The following EZH1 variants were observed in gnomAD, a reference collection of about 807,000 sequenced individuals.
EZH1 encodes the protein enhancer of zeste 1 polycomb repressive complex 2 subunit, also known as histone-lysine N-methyltransferase EZH1.
EZH1 carries 33 observed loss-of-function variants against 100.5 expected under a neutral mutation model. The observed-to-expected ratio is 0.33, with a 90% confidence interval of 0.25 to 0.44. EZH1 has a LOEUF of 0.44. EZH1 is among the 20% of genes least tolerant of loss of function. The pLI is 1.00. For synonymous variants in EZH1, 272 were observed against 313.8 expected (o/e 0.87, Z 1.41); for missense variants, 475 against 928.4 (o/e 0.51, Z 6.35).
chr17:42,733,939 CA>C (rs71157668), intron 1 of EZH1, among the ~76,000 whole-genome samples: 9,325 of 49,974 alleles, frequency 0.19, 361 homozygotes, highest in African/African-American at 0.39. Context: ...GACTCCATCT[CA>C]AAAAAAAAAA....
intron 15 of EZH1, among the ~76,000 whole-genome samples, chr17:42,707,625 C>T (rs187783201): frequency 6.6e-6 from 1 of 152,200 alleles, no homozygotes; most frequent in African/African-American, 2.4e-5. Context: ...GAACTCCTGA[C>T]CTCAAGTGAT....
At chr17:42,737,338 T>C (rs1189590653) in intron 1 of EZH1, among the ~76,000 whole-genome samples, 1 of 152,222 alleles carries the variant, frequency 6.6e-6, no homozygotes, top group African/African-American at 2.4e-5. Flanking sequence ...TGATGGCTCA[T>C]GCCTGAAATT....
Position 42,706,112 on chromosome 17 carries a change from C to T in EZH1, c.1734G>A (p.Val578=). The T allele has an allele frequency of 1.2e-6, 2 of 1,614,152 alleles. No individual in the cohort carries two copies. Among genetic ancestry groups the T allele is most frequent in the Non-Finnish European group, 1.7e-6 (2 of 1,180,028 alleles). Reference sequence around the variant, plus strand: ...GACACAGGTCAGGGTCACATTCTCGCACTGCCAGATAGCAAGGACATTGCT... The same window carrying T: ...GACACAGGTCAGGGTCACATTCTCGTACTGCCAGATAGCAAGGACATTGCT... The part of the protein sequence containing the change: ...NTKQCPCYLA[V]RECDPDLCLT... Residue 578 remains valine, a synonymous_variant, in exon 16 of 21, where the codon GTG becomes GTA. Transcript: ENST00000428826. This position sits in a 1 kb window ranked among gnomAD's most constrained non-coding sequence, Gnocchi z 4.4.
chr17:42,744,994 C>A lies in EZH1; in HGVS notation c.-103+17G>T, dbSNP rs1003094448. 30 of 1,274,686 alleles carry A rather than the reference C, an allele frequency of 2.4e-5. No homozygotes were observed. Among genetic ancestry groups the A allele is most frequent in the Middle Eastern group, 2.1e-4 (1 of 4,662 alleles). The allele number at this position is 1,274,686 out of a possible 1,614,324, so 79.0% of individuals were successfully genotyped here. A position where few individuals can be genotyped will look rare whatever the true frequency, so the allele number is the denominator to read the frequency against. On this transcript the variant is annotated intron_variant, in intron 1 of 20. Coordinates refer to ENST00000428826, the MANE Select transcript of EZH1 (RefSeq NM_001991.5). ...GCCCGGCCCCACCGCCCGGCCCAGG[C>A]TTGTTTACTCACTCACCCTCCATCC...
intron 2 of EZH1, among the ~76,000 whole-genome samples, chr17:42,730,487 C>CTTTTTTTTT (rs1156867481): frequency 3.0e-5 from 2 of 66,660 alleles, no homozygotes; most frequent in Admixed American, 2.1e-4. Context: ...AGTATGTATT[C>CTTTTTTTTT]TTTTTTTTTT....
At chr17:42,732,088 A>T (rs566984834) in intron 1 of EZH1, among the ~76,000 whole-genome samples, 2 of 151,898 alleles carry the variant, frequency 1.3e-5, no homozygotes, top group African/African-American at 4.8e-5. Flanking sequence ...CACTGCATCC[A>T]GCCTGAGAAA....
At position 42,714,957 on chromosome 17, in the gene EZH1, TATA is replaced by T. The variant is rs2053566861; in HGVS notation, c.1024-1571_1024-1569del. Among the ~76,000 whole-genome samples the T allele has an allele frequency of 2.9e-5, 4 of 139,122 alleles. No individual in the cohort carries two copies. The South Asian group carries it at 8.6e-4, about 30-fold the overall frequency. The allele number at this position is 139,122 out of a possible 152,430, so 91.3% of individuals were successfully genotyped here. ...ATATAAAATATATATTTATATAATA[TATA>T]AATATATGAAATTTATATAAATATA... is the stretch of plus-strand genomic sequence containing the variant. On this transcript the variant is annotated intron_variant, in intron 10 of 20. Transcript: ENST00000428826.
Position 42,706,194 on chromosome 17 carries a change from G to T in EZH1, c.1661-9C>A. The T allele has an allele frequency of 6.2e-7, 1 of 1,603,136 alleles. No homozygotes were observed. Reference sequence around the variant, plus strand: ...AGGGAAACGATTCTGACCTGGGAAGGGAAGACAGGTAAGTCTTAGAAGGGA... The same window carrying T: ...AGGGAAACGATTCTGACCTGGGAAGTGAAGACAGGTAAGTCTTAGAAGGGA... On this transcript the variant is annotated splice_polypyrimidine_tract_variant and intron_variant, in intron 15 of 20. Transcript: ENST00000428826. This position sits in a 1 kb window ranked among gnomAD's most constrained non-coding sequence, Gnocchi z 4.4.
In EZH1 at chr17:42,706,319, C is replaced by G; in HGVS notation, c.1661-134G>C. The G allele has an allele frequency of 1.4e-6, 1 of 710,446 alleles. No homozygotes were observed. The highest frequency in any genetic ancestry group is 2.1e-6 in the Non-Finnish European group (1 of 471,088). The allele number at this position is 710,446 out of a possible 1,614,324, so 44.0% of individuals were successfully genotyped here. On this transcript the variant is annotated intron_variant, in intron 15 of 20. Transcript: ENST00000428826. This position sits in a 1 kb window ranked among gnomAD's most constrained non-coding sequence, Gnocchi z 4.4. ...TGGCAAAATAAGAGGAAGCTCCCTT[C>G]CCAATAATCAAATACACAAGTTTTG...
At position 42,713,261 on chromosome 17, in the gene EZH1, T is replaced by C. The variant is rs1236362218; in HGVS notation, c.1152A>G (p.Lys384=). The C allele has an allele frequency of 6.2e-7, 1 of 1,614,080 alleles. No homozygotes were observed. Among genetic ancestry groups the C allele is most frequent in the Admixed American group, 1.7e-5 (1 of 60,014 alleles). ...CTGTGTCCCTGTCACTGTCTCCTTC[T>C]TTAGTCTCAGCCACAGCAGAGGCTG... ...NASASAVAET[K]EGDSDRDTGN... is the part of the protein sequence containing the mutation. The change falls in exon 11 of 21, where the codon AAA becomes AAG. Residue 384 remains lysine, a synonymous_variant. Coordinates refer to ENST00000428826, the MANE Select transcript of EZH1 (RefSeq NM_001991.5).
At chr17:42,732,449 A>G (rs1400010265) in intron 1 of EZH1, among the ~76,000 whole-genome samples, 1 of 152,132 alleles carries the variant, frequency 6.6e-6, no homozygotes, top group Admixed American at 6.6e-5. Context: ...CCTGGGTAAC[A>G]TGGTAAGACC....
At chr17:42,741,408 C>T (rs990506762) in intron 1 of EZH1, among the ~76,000 whole-genome samples, 7 of 152,160 alleles carry the variant, frequency 4.6e-5, no homozygotes, top group Non-Finnish European at 7.3e-5. Context: ...GGGGTTTCAC[C>T]GTGTTGGACA....
chr17:42,737,645 TC>T (rs987473850), intron 1 of EZH1, among the ~76,000 whole-genome samples: 5 of 149,192 alleles, frequency 3.4e-5, no homozygotes, highest in Non-Finnish European at 5.9e-5. Flanking sequence ...TTCTTTTTTT[TC>T]TTTCTTAAAA....
chr17:42,736,636 A>C (rs1240752119), intron 1 of EZH1, among the ~76,000 whole-genome samples: 1 of 152,078 alleles, frequency 6.6e-6, no homozygotes, highest in Non-Finnish European at 1.5e-5. Context: ...GGAGTTCGAG[A>C]CCAGCCTGGC....
At chr17:42,713,057 AAG>A in intron 11 of EZH1, 150 bp downstream of exon 11, 9 of 705,648 alleles carry the variant, frequency 1.3e-5, no homozygotes, top group South Asian at 4.7e-5. Context: ...AAAAAAAAAA[AAG>A]AAAATATTCC....
Position 42,702,498 on chromosome 17 carries a change from G to T in EZH1, c.*34C>A. The T allele has an allele frequency of 6.6e-7, 1 of 1,517,894 alleles. No individual in the cohort carries two copies. The highest frequency in any genetic ancestry group is 8.9e-7 in the Non-Finnish European group (1 of 1,122,428). 94.0% of individuals were successfully genotyped at this position (1,517,894 alleles called of 1,614,324 possible). The stretch of plus-strand genomic sequence containing the variant: ...TGAGCACGAAAGCCAAGACAGTGCC[G>T]CTACCATAAGTGCTGCCGTGGGGCC... On this transcript the variant is annotated 3_prime_UTR_variant, in exon 21 of 21. Coordinates refer to ENST00000428826, the MANE Select transcript of EZH1 (RefSeq NM_001991.5).
At chr17:42,703,141 T>C in intron 19 of EZH1, 180 bp from the exon 20 acceptor site, 1 of 589,080 alleles carries the variant, frequency 1.7e-6, no homozygotes, top group Non-Finnish European at 3.0e-6. Context: ...AGAAAAATTA[T>C]CTTTATTATT....
At chr17:42,703,647 T>C in intron 19 of EZH1, 93 bp downstream of exon 19, 1 of 892,314 alleles carries the variant, frequency 1.1e-6, no homozygotes, top group Non-Finnish European at 1.8e-6. Flanking sequence ...GGACAAAAAA[T>C]AGCTCAGCTA....
intron 1 of EZH1, among the ~76,000 whole-genome samples, chr17:42,733,194 G>C (rs908342873): frequency 6.6e-6 from 1 of 151,472 alleles, no homozygotes; most frequent in East Asian, 1.9e-4. Context: ...AAAATTAGCC[G>C]GGCGTGGTGG....
Sources: gnomAD v4.1 joint callset for allele counts (sites outside exome capture counted in the v4.1 genomes callset) on GRCh38, gnomAD v4.1.1 for gene constraint, Gnocchi (gnomAD v3.1) non-coding constraint, MANE v1.5 for transcripts, NCBI Gene and HGNC (gene_info 2026-07-23, HGNC 2026-07-21) for gene names.